POU6F2: variants seen among roughly 807,000 people sequenced by gnomAD.
POU6F2 encodes POU class 6 homeobox 2, also known as POU domain, class 6, transcription factor 2.
In POU6F2, 31 loss-of-function variants were observed where a neutral mutation model predicts 71.3. The ratio of observed to expected loss-of-function variants is 0.43; its 90% CI spans 0.33 to 0.59. POU6F2 has a LOEUF of 0.59. Ranked by LOEUF, POU6F2 falls within the 20% of genes least tolerant of loss-of-function variation. The pLI, the probability that POU6F2 is intolerant of heterozygous loss-of-function variation, is 0.04. For synonymous variants in POU6F2, 347 were observed against 355.7 expected (o/e 0.98, Z 0.27); for missense variants, 783 against 856.8 (o/e 0.91, Z 1.07).
intron 1 of POU6F2, among the ~76,000 whole-genome samples, chr7:38,990,429 G>A (rs1056131496): frequency 1.3e-5 from 2 of 152,070 alleles, no homozygotes; most frequent in Non-Finnish European, 2.9e-5. Context: ...TTCACAAAAT[G>A]TTATCTTATT....
At chr7:39,394,680 C>G (rs1787138211) in intron 5 of POU6F2, among the ~76,000 whole-genome samples, 1 of 152,166 alleles carries the variant, frequency 6.6e-6, no homozygotes, top group African/African-American at 2.4e-5. Context: ...ATTCTTTTTT[C>G]TATTCCAACT....
chr7:39,207,968 A>G (rs1584602428), intron 4 of POU6F2, among the ~76,000 whole-genome samples: 1 of 152,330 alleles, frequency 6.6e-6, no homozygotes. Flanking sequence ...CAATTCTTCA[A>G]TTTAGCCATG....
At chr7:39,076,191 C>T (rs1054538728) in intron 1 of POU6F2, among the ~76,000 whole-genome samples, 1 of 151,940 alleles carries the variant, frequency 6.6e-6, no homozygotes, top group Admixed American at 6.6e-5. Flanking sequence ...CCCTTCCCTT[C>T]TCTTCCTTTC....
intron 4 of POU6F2, among the ~76,000 whole-genome samples, chr7:39,246,891 C>A (rs1421043594): frequency 2.9e-5 from 4 of 137,082 alleles, no homozygotes; most frequent in African/African-American, 1.2e-4. Flanking sequence ...CAGCTCACCC[C>A]AAATCCAGGG....
chr7:39,060,908 C>A, intron 1 of POU6F2, among the ~76,000 whole-genome samples: 1 of 151,466 alleles, frequency 6.6e-6, no homozygotes, highest in East Asian at 1.9e-4. Flanking sequence ...CTGTGAATAG[C>A]CACTCCATTC....
intron 2 of POU6F2, among the ~76,000 whole-genome samples, chr7:39,136,511 G>A (rs912128640): frequency 6.6e-6 from 1 of 152,150 alleles, no homozygotes; most frequent in African/African-American, 2.4e-5. Flanking sequence ...GAATGTTAAA[G>A]AACTGAAGGC....
At chr7:39,056,504 CCTT>C (rs1293409343) in intron 1 of POU6F2, among the ~76,000 whole-genome samples, 3 of 151,942 alleles carry the variant, frequency 2.0e-5, no homozygotes, top group Admixed American at 6.6e-5. Context: ...TTTGTTGTCT[CCTT>C]CTCCATCTTT....
rs573696182 is a variant in POU6F2 at position 39,155,400 on chromosome 7, C to A, written c.278-48835C>A. Among the ~76,000 whole-genome samples the A allele has an allele frequency of 1.2e-4, 19 of 152,098 alleles. No individual in the cohort carries two copies. In the South Asian group the frequency reaches 3.7e-3, roughly 30 times the overall value. The stretch of plus-strand genomic sequence containing the variant: ...TTTTCACTATAGCCAGGATGCCTTG[C>A]TTTCCAAACTTGTGTGAAAATTGTG... On this transcript the variant is annotated intron_variant, in intron 2 of 9. Coordinates refer to ENST00000518318, the MANE Select transcript of POU6F2 (RefSeq NM_001370959.1).
chr7:39,280,636 T>C (rs1784546314), intron 4 of POU6F2, among the ~76,000 whole-genome samples: 1 of 152,212 alleles, frequency 6.6e-6, no homozygotes, highest in South Asian at 2.1e-4. Context: ...AGGGGGGCAG[T>C]GAAGTGGGAT....
chr7:39,168,264 A>G lies in POU6F2; in HGVS notation c.278-35971A>G, dbSNP rs75304938. ...TGTAGCACCTTAAAATTGTCCGAACATTTTTGTATCTGGGTTCTCTATTTG... is the reference window on the plus strand; with the variant it reads ...TGTAGCACCTTAAAATTGTCCGAACGTTTTTGTATCTGGGTTCTCTATTTG... On this transcript the variant is annotated intron_variant, in intron 2 of 9. Transcript: ENST00000518318. Among the ~76,000 whole-genome samples, 529 of 152,288 alleles carry G rather than the reference A, an allele frequency of 3.5e-3. 1 individual carries two copies. Among genetic ancestry groups the G allele is most frequent in the African/African-American group, 0.012 (505 of 41,566 alleles).
intron 7 of POU6F2, among the ~76,000 whole-genome samples, chr7:39,447,919 TTAAG>T (rs1353805280): frequency 2.0e-5 from 3 of 152,196 alleles, no homozygotes; most frequent in Admixed American, 6.5e-5. Flanking sequence ...TTAAATCAAA[TTAAG>T]TAACATATTC....
At chr7:39,366,187 G>C (rs146662779) in intron 5 of POU6F2, among the ~76,000 whole-genome samples, 1 of 152,156 alleles carries the variant, frequency 6.6e-6, no homozygotes, top group East Asian at 1.9e-4. Flanking sequence ...GGCAGGAAAG[G>C]CCAGAGAGTG....
chr7:39,434,015 G>C (rs1053657286), intron 7 of POU6F2, among the ~76,000 whole-genome samples: 19 of 152,214 alleles, frequency 1.2e-4, no homozygotes, highest in African/African-American at 4.6e-4. Flanking sequence ...TTTATAAGCA[G>C]AATCTGTTGT....
chr7:39,272,554 G>T (rs1303331937), intron 4 of POU6F2, among the ~76,000 whole-genome samples: 2 of 152,170 alleles, frequency 1.3e-5, no homozygotes, highest in Admixed American at 6.5e-5. Flanking sequence ...TGGGAGTGGG[G>T]AGAAACCTTT....
At chr7:39,234,152 T>G (rs1008895944) in intron 4 of POU6F2, among the ~76,000 whole-genome samples, 13 of 152,172 alleles carry the variant, frequency 8.5e-5, no homozygotes, top group Non-Finnish European at 1.2e-4. Flanking sequence ...TCCCTTTTAA[T>G]GATAAATCAG....
chr7:39,238,501 G>A (rs1794717976), intron 4 of POU6F2, among the ~76,000 whole-genome samples: 1 of 152,186 alleles, frequency 6.6e-6, no homozygotes, highest in South Asian at 2.1e-4. Context: ...CTGCTTTTGT[G>A]CTACAATGGC....
chr7:39,327,079 A>G (rs1409004099), intron 4 of POU6F2, among the ~76,000 whole-genome samples: 2 of 152,150 alleles, frequency 1.3e-5, no homozygotes, highest in Non-Finnish European at 2.9e-5. Flanking sequence ...GGAGATTGAG[A>G]CCATCCTGGC....
At chr7:38,988,538 CT>C (rs1788517922) in intron 1 of POU6F2, among the ~76,000 whole-genome samples, 1 of 152,020 alleles carries the variant, frequency 6.6e-6, no homozygotes, top group Non-Finnish European at 1.5e-5. Context: ...TCTTGAATGT[CT>C]AATGTTTAAT....
At position 39,439,637 on chromosome 7, in the gene POU6F2, G is replaced by A. The variant is rs141934815; in HGVS notation, c.1320+6354G>A. Among the ~76,000 whole-genome samples the A allele has an allele frequency of 3.4e-3, 515 of 152,226 alleles. 8 individuals carry two copies. Among genetic ancestry groups the A allele is most frequent in the South Asian group, 0.011 (53 of 4,816 alleles). ...CCCGAGTAGCTGGGATTACAGGCAT[G>A]CACCACCACACCTGGCTATTTTTTG... is the stretch of plus-strand genomic sequence containing the variant. On this transcript the variant is annotated intron_variant, in intron 7 of 9. Transcript: ENST00000518318.
Sources: allele counts gnomAD v4.1 joint callset (sites outside exome capture counted in the v4.1 genomes callset), GRCh38; gene constraint gnomAD v4.1.1; transcripts MANE v1.5; gene names NCBI Gene and HGNC (gene_info 2026-07-23, HGNC 2026-07-21).